Variants in HCRTR2 observed in about 807,000 individuals in gnomAD.
HCRTR2 encodes orexin receptor type 2.
In HCRTR2, 22 loss-of-function variants were observed where a neutral mutation model predicts 49.0. That is an observed-to-expected ratio of 0.45 (90% CI 0.32 to 0.64). The LOEUF is 0.64. Among genes scored for constraint, HCRTR2 ranks in the 30% least tolerant of loss-of-function variants. HCRTR2 has a pLI of 0.04. For synonymous variants in HCRTR2, 236 were observed against 205.3 expected (o/e 1.15, Z -1.28); for missense variants, 491 against 559.4 (o/e 0.88, Z 1.23).
At chr6:55,220,396 T>C (rs1251597318) in intron 1 of HCRTR2, among the ~76,000 whole-genome samples, 2 of 152,274 alleles carry the variant, frequency 1.3e-5, no homozygotes, top group East Asian at 1.9e-4. Context: ...TGATGAATGG[T>C]TTAACATATG....
At chr6:55,249,420 G>A (rs1367023881) in intron 2 of HCRTR2, among the ~76,000 whole-genome samples, 1 of 152,084 alleles carries the variant, frequency 6.6e-6, no homozygotes, top group Non-Finnish European at 1.5e-5. Context: ...TTCACCAATT[G>A]TATGCTATCA....
intron 5 of HCRTR2, among the ~76,000 whole-genome samples, chr6:55,278,870 T>G (rs1417595016): frequency 6.6e-6 from 1 of 151,894 alleles, no homozygotes; most frequent in African/African-American, 2.4e-5. Context: ...TATTCTTTCT[T>G]TCTCTTTCTA....
At chr6:55,206,660 G>A (rs1391468112) in intron 1 of HCRTR2, among the ~76,000 whole-genome samples, 2 of 151,862 alleles carry the variant, frequency 1.3e-5, no homozygotes, top group Non-Finnish European at 2.9e-5. Context: ...TATGTTCTTA[G>A]CTCATTGTAA....
rs376590758 is a variant in HCRTR2, at chr6:55,160,409, TA to T, written c.-377-13801del. 4.3e-3 allele frequency among the ~76,000 whole-genome samples: 659 copies of T among 152,268 alleles called. 7 individuals are homozygous for T. The highest frequency in any genetic ancestry group is 0.015 in the African/African-American group (617 of 41,546). On this transcript the variant is annotated intron_variant, in intron 1 of 7. Coordinates refer to the HCRTR2 transcript ENST00000615358. ...ATGAAATTGTAAAGACCATCAACAC[TA>T]TGAAGAAACTGCATCAACTAATGGG...
intron 3 of HCRTR2, among the ~76,000 whole-genome samples, chr6:55,259,301 A>C (rs1766711134): frequency 6.6e-6 from 1 of 152,084 alleles, no homozygotes; most frequent in Non-Finnish European, 1.5e-5. Flanking sequence ...AAAGCATATA[A>C]ATATGTGTAT....
intron 1 of HCRTR2, among the ~76,000 whole-genome samples, chr6:55,205,121 A>C (rs1765578448): frequency 6.6e-6 from 1 of 152,194 alleles, no homozygotes; most frequent in African/African-American, 2.4e-5. Flanking sequence ...TGTCTATTCG[A>C]TAACCAAGTA....
rs764241925 is a variant in HCRTR2, at chr6:55,248,748, A to G, written c.333A>G (p.Thr111=). The change falls in exon 2 of 7, where the codon ACA becomes ACG. Residue 111 remains threonine (T), a synonymous_variant. Coordinates refer to ENST00000370862, the MANE Select transcript of HCRTR2 (RefSeq NM_001384272.1). ...VLVTITCLPA[T]LVVDITETWF... is the part of the protein sequence containing the mutation. The stretch of plus-strand genomic sequence containing the variant: ...TGACCATCACCTGCCTTCCAGCCAC[A>G]CTGGTCGTGGATATCACTGAGACCT... The G allele has an allele frequency of 1.2e-6, 2 of 1,613,480 alleles. No homozygotes were observed. Among genetic ancestry groups the G allele is most frequent in the South Asian group, 1.1e-5 (1 of 91,074 alleles).
chr6:55,190,224 A>G (rs917495111), intron 1 of HCRTR2, among the ~76,000 whole-genome samples: 1 of 152,242 alleles, frequency 6.6e-6, no homozygotes, highest in Non-Finnish European at 1.5e-5. Context: ...AAAACAGACG[A>G]AGCTCCTTCT....
intron 1 of HCRTR2, among the ~76,000 whole-genome samples, chr6:55,122,408 A>T (rs1192808704): frequency 6.6e-6 from 1 of 152,086 alleles, no homozygotes; most frequent in Non-Finnish European, 1.5e-5. Context: ...TCTTTTCAAA[A>T]AACCAGCTCC....
At chr6:55,182,425 A>C (rs576493751) in intron 1 of HCRTR2, among the ~76,000 whole-genome samples, 1 of 152,170 alleles carries the variant, frequency 6.6e-6, no homozygotes, top group Non-Finnish European at 1.5e-5. Flanking sequence ...CTTCTTCTGG[A>C]GGAAGTAAGC....
intron 1 of HCRTR2, among the ~76,000 whole-genome samples, chr6:55,243,871 A>C (rs1766381417): frequency 2.0e-5 from 3 of 152,178 alleles, no homozygotes; most frequent in Non-Finnish European, 4.4e-5. Context: ...TGGGTATCAA[A>C]GAAGAAAGAA....
intron 1 of HCRTR2, among the ~76,000 whole-genome samples, chr6:55,112,952 C>A (rs991594848): frequency 1.5e-4 from 23 of 151,948 alleles, no homozygotes; most frequent in African/African-American, 4.6e-4. Context: ...GGGAGCAGAA[C>A]AAATAACCCA....
At chr6:55,266,285 TC>T (rs1412624755) in intron 4 of HCRTR2, among the ~76,000 whole-genome samples, 1 of 152,208 alleles carries the variant, frequency 6.6e-6, no homozygotes, top group East Asian at 1.9e-4. Flanking sequence ...GTTCTTCTAC[TC>T]TACTAAGATA....
chr6:55,270,886 A>G (rs981773137), intron 4 of HCRTR2, among the ~76,000 whole-genome samples: 5 of 152,230 alleles, frequency 3.3e-5, no homozygotes, highest in Non-Finnish European at 5.9e-5. Flanking sequence ...ATATCATTGA[A>G]AAAACTTAAA....
intron 1 of HCRTR2, among the ~76,000 whole-genome samples, chr6:55,194,954 A>C (rs1765384084): frequency 1.3e-5 from 2 of 152,194 alleles, no homozygotes; most frequent in Admixed American, 1.3e-4. Context: ...AAAAACAAAC[A>C]TGGAGTGACT....
chr6:55,239,431 G>C (rs755201155), intron 1 of HCRTR2, among the ~76,000 whole-genome samples: 1 of 152,132 alleles, frequency 6.6e-6, no homozygotes, highest in East Asian at 1.9e-4. Context: ...TTATGGATTT[G>C]ATTTCTGTAG....
intron 1 of HCRTR2, among the ~76,000 whole-genome samples, chr6:55,226,778 G>A (rs1000544035): frequency 1.4e-5 from 2 of 142,700 alleles, no homozygotes. Flanking sequence ...GAGTGCAGTG[G>A]TGAGATCTCG....
At chr6:55,141,122 C>T (rs1216362144) in intron 1 of HCRTR2, among the ~76,000 whole-genome samples, 2 of 149,568 alleles carry the variant, frequency 1.3e-5, no homozygotes, top group Non-Finnish European at 3.0e-5. Flanking sequence ...ATCACGAGGT[C>T]AGGAGATCGA....
intron 1 of HCRTR2, among the ~76,000 whole-genome samples, chr6:55,106,881 A>G (rs1314541410): frequency 6.6e-6 from 1 of 152,098 alleles, no homozygotes; most frequent in African/African-American, 2.4e-5. Context: ...TGTAGGCTGT[A>G]AAGGGGCCTG....
Sources: allele counts gnomAD v4.1 joint callset (sites outside exome capture counted in the v4.1 genomes callset), GRCh38; gene constraint gnomAD v4.1.1; transcripts MANE v1.5; gene names NCBI Gene and HGNC (gene_info 2026-07-23, HGNC 2026-07-21).